PODNL1: variants seen among roughly 807,000 people sequenced by gnomAD.
PODNL1 encodes the protein podocan like 1.
A neutral mutation model predicts 45.1 loss-of-function variants in PODNL1; 50 were observed. The observed-to-expected ratio is 1.11, with a 90% CI of 0.88 to 1.40. The LOEUF (loss-of-function observed/expected upper bound fraction) is 1.40, where lower values mean the gene tolerates loss of function less well. PODNL1 is among the 40% of genes most tolerant of loss of function. The pLI, the probability that PODNL1 is intolerant of heterozygous loss-of-function variation, is 0.00. For synonymous variants in PODNL1, 406 were observed against 372.5 expected, an observed-to-expected ratio of 1.09 and a Z score of -1.04; for missense variants, 788 against 793.3, an observed-to-expected ratio of 0.99 and a Z score of 0.08.
intron 5 of PODNL1, among the ~76,000 whole-genome samples, chr19:13,934,918 A>C (rs1972237519): frequency 6.6e-6 from 1 of 151,048 alleles, no homozygotes; most frequent in African/African-American, 2.4e-5. Flanking sequence ...TGTGCATGTG[A>C]TCATGTGCAA....
In PODNL1 at chr19:13,937,842, C is replaced by G. The variant is rs868832592; in HGVS notation, c.168G>C (p.Leu56Phe). The part of the protein sequence containing the change: ...PRVDTVDCDG[L>F]DLRVFPDNIT... ...TGTTGTCCGGGAACACTCGAAGGTC[C>G]AAGCCATCACAGTCCACAGTGTCGA... The change falls in exon 2 of 10, where the codon TTG becomes TTC. Residue 56 changes from leucine to phenylalanine, a missense_variant. Around this residue, in one of 3 missense-constraint regions of PODNL1, gnomAD observed 762 missense variants for 750.9 expected, o/e 1.01. Coordinates refer to ENST00000588872, the MANE Select transcript of PODNL1 (RefSeq NM_001370095.3). 6.3e-7 allele frequency: 1 copy of G among 1,595,638 alleles called. No homozygotes were observed. Among genetic ancestry groups the G allele is most frequent in the Non-Finnish European group, 8.5e-7 (1 of 1,172,624 alleles).
intron 1 of PODNL1, among the ~76,000 whole-genome samples, chr19:13,951,494 C>T (rs1236306160): frequency 1.3e-5 from 2 of 150,190 alleles, no homozygotes; most frequent in South Asian, 2.1e-4. Flanking sequence ...AAAATTAGGC[C>T]GGGCGCGGTG....
At chr19:13,932,538 G>C in intron 8 of PODNL1, 1 of 885,382 alleles carries the variant, frequency 1.1e-6, no homozygotes, top group South Asian at 1.8e-5. Context: ...TGTTTTTTTG[G>C]TAGAGATAGG....
At chr19:13,942,072 A>G (rs1322609414), upstream of PODNL1, among the ~76,000 whole-genome samples, 3 of 152,180 alleles carry the variant, frequency 2.0e-5, no homozygotes, top group Non-Finnish European at 4.4e-5. Flanking sequence ...GGACTACTGT[A>G]GCAGTCCTAG....
At chr19:13,953,134 C>T (rs1973161230) in exon 1 of PODNL1, 1 of 1,548,556 alleles carries the variant, frequency 6.5e-7, no homozygotes, top group African/African-American at 1.4e-5. Context: ...TGGGCCTCCC[C>T]ATTGAAAGTG....
chr19:13,936,358 C>G lies in PODNL1; in HGVS notation c.319+9G>C, dbSNP rs371414196. The G allele has an allele frequency of 1.3e-5, 21 of 1,608,034 alleles. No individual in the cohort carries two copies. Among genetic ancestry groups the G allele is most frequent in the Non-Finnish European group, 1.6e-5 (19 of 1,174,928 alleles). On this transcript the variant is annotated intron_variant, in intron 3 of 9. Coordinates refer to ENST00000588872, the MANE Select transcript of PODNL1 (RefSeq NM_001370095.3). ...GCCCCAGAGAGGCCGCCTCCCTCTGCCCCCTCACCTTCGGAGGAGATGAGG... is the reference window on the plus strand; with the variant it reads ...GCCCCAGAGAGGCCGCCTCCCTCTGGCCCCTCACCTTCGGAGGAGATGAGG...
At chr19:13,937,655 G>A (rs1158024896) in intron 2 of PODNL1, 130 bp downstream of exon 2, 2 of 829,988 alleles carry the variant, frequency 2.4e-6, no homozygotes, top group Admixed American at 5.3e-5. Context: ...ATCACAGCCT[G>A]CTCTGCACCG....
At chr19:13,952,680 G>A (rs1599457307) in intron 1 of PODNL1, 8 of 1,294,026 alleles carry the variant, frequency 6.2e-6, no homozygotes, top group Non-Finnish European at 7.8e-6. Context: ...GCGCGCCGGA[G>A]GGTGGGGAGT....
intron 6 of PODNL1, 25 bp downstream of exon 6, chr19:13,934,229 G>T: frequency 6.7e-7 from 1 of 1,492,066 alleles, no homozygotes; most frequent in Admixed American, 2.5e-5. Context: ...AGTCTGGCCC[G>T]GGGTGGGACC....
rs1367965901 is a variant in PODNL1 at position 13,933,196 on chromosome 19, C to T, written c.1027G>A (p.Asp343Asn). ...CGGGGCAGGGCTGGAGGCACGCGGTCCAGCCCATTGCCATAGAGGTGCAGC... is the reference window on the plus strand; with the variant it reads ...CGGGGCAGGGCTGGAGGCACGCGGTTCAGCCCATTGCCATAGAGGTGCAGC... The part of the protein sequence containing the change: ...HTLHLYGNGL[D>N]RVPPALPRRL... The change falls in exon 8 of 10, where the codon GAC becomes AAC. Residue 343 changes from aspartate (D) to asparagine (N), a missense_variant. Physicochemically the swap from Asp to Asn is conservative, Grantham distance 23. Coordinates refer to ENST00000588872, the MANE Select transcript of PODNL1 (RefSeq NM_001370095.3). The surrounding 1 kb of genome is among the most constrained non-coding windows in gnomAD (Gnocchi z 5.2). 1 of 1,536,538 alleles carries T rather than the reference C, an allele frequency of 6.5e-7. No individual in the cohort carries two copies. The highest frequency in any genetic ancestry group is 1.2e-5 in the South Asian group (1 of 84,080).
At chr19:13,939,303 C>T (rs1271844355), upstream of PODNL1, among the ~76,000 whole-genome samples, 4 of 152,194 alleles carry the variant, frequency 2.6e-5, no homozygotes, top group Non-Finnish European at 5.9e-5. Flanking sequence ...CCTCCACCTC[C>T]GGGGTTCAAG....
chr19:13,943,291 C>CA (rs537712656), upstream of PODNL1, among the ~76,000 whole-genome samples: 78 of 133,736 alleles, frequency 5.8e-4, 2 homozygotes, highest in South Asian at 8.9e-3. Context: ...AGTGAAACTC[C>CA]AAAAAAAAAA....
intron 1 of PODNL1, among the ~76,000 whole-genome samples, chr19:13,943,954 G>A (rs369900270): frequency 2.0e-5 from 3 of 152,006 alleles, no homozygotes; most frequent in Non-Finnish European, 2.9e-5. Flanking sequence ...TTCAAACCAC[G>A]ACATGGATTT....
chr19:13,949,114 C>A (rs1231928854), intron 1 of PODNL1, among the ~76,000 whole-genome samples: 3 of 151,856 alleles, frequency 2.0e-5, no homozygotes, highest in Non-Finnish European at 2.9e-5. Flanking sequence ...AGCCCACCAT[C>A]AAGCCCAGCT....
At chr19:13,937,475 A>G (rs1418078269) in intron 2 of PODNL1, among the ~76,000 whole-genome samples, 2 of 132,972 alleles carry the variant, frequency 1.5e-5, no homozygotes, top group Non-Finnish European at 1.6e-5. Context: ...CACACGCCAC[A>G]ACATCCCCAT....
chr19:13,952,673 C>A, intron 1 of PODNL1: 1 of 1,145,346 alleles, frequency 8.7e-7, no homozygotes. Flanking sequence ...GTGGGGAGCG[C>A]GCCGGAGGGT....
At chr19:13,936,074 C>T in intron 3 of PODNL1, 30 bp from the exon 4 acceptor site, 2 of 1,538,994 alleles carry the variant, frequency 1.3e-6, no homozygotes, top group Non-Finnish European at 1.8e-6. Context: ...GTGAAGGGAC[C>T]CCAGGCCTGT....
rs777481907 is a variant in PODNL1, at chr19:13,933,300, TA to T, written c.922del (p.Tyr308IlefsTer70). On this transcript the variant is annotated frameshift_variant, in exon 8 of 10. Coordinates refer to ENST00000588872, the MANE Select transcript of PODNL1 (RefSeq NM_001370095.3). LOFTEE classifies it high-confidence loss of function. This position sits in a 1 kb window ranked among gnomAD's most constrained non-coding sequence, Gnocchi z 5.2. ...ARLHGARGLR[Y>X]LLLQHNQLGS... is the part of the protein sequence containing the mutation. ...CAGCTGGTTGTGCTGCAGCAACAAA[TA>T]GCGCAGACCACGCGCCCCGTGCAGC... 6.3e-7 allele frequency: 1 copy of T among 1,584,958 alleles called. No individual in the cohort carries two copies. The highest frequency in any genetic ancestry group is 1.8e-5 in the Admixed American group (1 of 56,670).
At chr19:13,951,947 A>G (rs1043331945) in intron 1 of PODNL1, among the ~76,000 whole-genome samples, 8 of 152,232 alleles carry the variant, frequency 5.3e-5, no homozygotes, top group Non-Finnish European at 7.3e-5. Flanking sequence ...TGATGCTATC[A>G]TTATCACCAC....
Sources: allele counts gnomAD v4.1 joint callset (sites outside exome capture counted in the v4.1 genomes callset), GRCh38; gene constraint gnomAD v4.1.1; regional missense constraint gnomAD v4.1.1; non-coding constraint Gnocchi (gnomAD v3.1); transcripts MANE v1.5; gene names NCBI Gene and HGNC (gene_info 2026-07-23, HGNC 2026-07-21).